The following PRTFDC1 variants were observed in gnomAD, a reference collection of about 807,000 sequenced individuals.
PRTFDC1 encodes the protein phosphoribosyl transferase domain containing 1.
Under a neutral mutation model 34.6 loss-of-function variants are expected in PRTFDC1, and 38 were observed. The ratio of observed to expected loss-of-function variants is 1.10; its 90% CI spans 0.85 to 1.44. PRTFDC1 has a LOEUF of 1.44. Among genes scored for constraint, PRTFDC1 ranks in the 40% most tolerant of loss-of-function variants. PRTFDC1 has a pLI of 0.00. For missense variants in PRTFDC1, 270 were observed against 283.0 expected (o/e 0.95, Z 0.33); for synonymous variants, 93 against 98.1 (o/e 0.95, Z 0.31).
At chr10:24,850,461 A>T (rs1006904118) in intron 8 of PRTFDC1, among the ~76,000 whole-genome samples, 1 of 152,084 alleles carries the variant, frequency 6.6e-6, no homozygotes, top group African/African-American at 2.4e-5. Flanking sequence ...CGAAGACCCC[A>T]TCTCTACAGC....
chr10:24,909,066 A>G (rs1289915264), intron 3 of PRTFDC1, among the ~76,000 whole-genome samples: 2 of 152,196 alleles, frequency 1.3e-5, no homozygotes, highest in African/African-American at 4.8e-5. Context: ...AGATTGATTG[A>G]GGCCAGGAGC....
At chr10:24,864,791 A>G (rs1321494051) in intron 4 of PRTFDC1, among the ~76,000 whole-genome samples, 1 of 152,170 alleles carries the variant, frequency 6.6e-6, no homozygotes, top group Non-Finnish European at 1.5e-5. Flanking sequence ...AGAGCTAAGG[A>G]GCCAAAACTA....
At chr10:24,865,051 G>A (rs1046978732) in intron 4 of PRTFDC1, among the ~76,000 whole-genome samples, 12 of 152,190 alleles carry the variant, frequency 7.9e-5, no homozygotes, top group Admixed American at 3.9e-4. Flanking sequence ...GAGAGGCAGA[G>A]GTTGCAGTGA....
chr10:24,940,105 AG>A (rs1351062535), intron 2 of PRTFDC1, among the ~76,000 whole-genome samples: 3 of 152,182 alleles, frequency 2.0e-5, no homozygotes, highest in Non-Finnish European at 4.4e-5. Context: ...CACTATTTGG[AG>A]ACTTTAACAT....
chr10:24,874,740 T>A (rs545303108), intron 3 of PRTFDC1, among the ~76,000 whole-genome samples: 4 of 152,324 alleles, frequency 2.6e-5, no homozygotes, highest in Middle Eastern at 3.4e-3. Flanking sequence ...TTTTTTAAAA[T>A]TTTTAATTGA....
At chr10:24,939,815 A>G (rs894340289) in intron 2 of PRTFDC1, among the ~76,000 whole-genome samples, 5 of 135,142 alleles carry the variant, frequency 3.7e-5, no homozygotes, top group African/African-American at 1.1e-4. Flanking sequence ...AAAAAAAAAA[A>G]GAAAAAGAAA....
At chr10:24,911,448 A>G (rs1461278594) in intron 3 of PRTFDC1, among the ~76,000 whole-genome samples, 2 of 152,212 alleles carry the variant, frequency 1.3e-5, no homozygotes, top group Non-Finnish European at 2.9e-5. Flanking sequence ...TGAGTAGTAC[A>G]CCATTCATGG....
chr10:24,945,540 G>A (rs530223598), intron 1 of PRTFDC1, among the ~76,000 whole-genome samples: 139 of 152,144 alleles, frequency 9.1e-4, no homozygotes, highest in Non-Finnish European at 1.7e-3. Flanking sequence ...CTGCAGCCTC[G>A]AACTTTTAGG....
intron 3 of PRTFDC1, among the ~76,000 whole-genome samples, chr10:24,925,388 G>C (rs945993859): frequency 2.0e-5 from 3 of 152,030 alleles, no homozygotes; most frequent in African/African-American, 7.3e-5. Context: ...GAGTCAATGG[G>C]TGCAGCAAAC....
At chr10:24,862,733 G>T (rs1003564264) in intron 4 of PRTFDC1, among the ~76,000 whole-genome samples, 1 of 151,966 alleles carries the variant, frequency 6.6e-6, no homozygotes, top group Non-Finnish European at 1.5e-5. Flanking sequence ...TGTTGAGCAC[G>T]TGTATTGGTG....
At chr10:24,886,798 C>A (rs1848172701) in intron 3 of PRTFDC1, among the ~76,000 whole-genome samples, 1 of 152,006 alleles carries the variant, frequency 6.6e-6, no homozygotes, top group Admixed American at 6.6e-5. Context: ...CATTTCTAAC[C>A]AGCTCCCAGG....
intron 3 of PRTFDC1, among the ~76,000 whole-genome samples, chr10:24,889,030 C>T (rs1162800233): frequency 6.6e-6 from 1 of 152,082 alleles, no homozygotes; most frequent in Non-Finnish European, 1.5e-5. Context: ...CCCCCCTCCC[C>T]GACCCTGCCC....
Position 24,912,297 on chromosome 10 carries a change from A to G in PRTFDC1, c.339+24887T>C, listed in dbSNP as rs1163898982. On this transcript the variant is annotated intron_variant, in intron 3 of 8. Coordinates refer to ENST00000320152, the MANE Select transcript of PRTFDC1 (RefSeq NM_020200.7). ...AAAAAAAAAAAAAAAAAAAAAAAAG[A>G]AAGAAATTGCTGAAGAGTTTTTTTT... Among the ~76,000 whole-genome samples the G allele has an allele frequency of 6.5e-4, 89 of 137,846 alleles. 1 individual carries two copies. Among genetic ancestry groups the G allele is most frequent in the African/African-American group, 2.6e-3 (87 of 34,084 alleles). 90.4% of individuals were successfully genotyped at this position (137,846 alleles called of 152,430 possible).
At chr10:24,928,373 C>G (rs58709104) in intron 3 of PRTFDC1, among the ~76,000 whole-genome samples, 1 of 152,004 alleles carries the variant, frequency 6.6e-6, no homozygotes. Flanking sequence ...AGTCTTTTTT[C>G]TTCACCCAAA....
At chr10:24,854,905 T>A (rs1181495829) in intron 7 of PRTFDC1, among the ~76,000 whole-genome samples, 1 of 152,170 alleles carries the variant, frequency 6.6e-6, no homozygotes, top group Non-Finnish European at 1.5e-5. Context: ...CCTCTAAACC[T>A]CCATAGCACC....
intron 3 of PRTFDC1, among the ~76,000 whole-genome samples, chr10:24,933,626 A>G (rs532049484): frequency 2.6e-4 from 39 of 152,346 alleles, no homozygotes; most frequent in African/African-American, 8.9e-4. Flanking sequence ...ACATGGAGTA[A>G]CAGGAACTGT....
chr10:24,876,502 T>C (rs532504358), intron 3 of PRTFDC1, among the ~76,000 whole-genome samples: 9 of 152,176 alleles, frequency 5.9e-5, no homozygotes, highest in African/African-American at 2.2e-4. Flanking sequence ...AAGCCCAGCC[T>C]GACCAATATG....
chr10:24,922,639 G>A (rs925116162), intron 3 of PRTFDC1, among the ~76,000 whole-genome samples: 6 of 152,206 alleles, frequency 3.9e-5, no homozygotes, highest in African/African-American at 1.2e-4. Context: ...CCAGCCATAT[G>A]GAACTGTGAG....
intron 6 of PRTFDC1, among the ~76,000 whole-genome samples, 197 bp downstream of exon 6, chr10:24,856,716 G>T (rs989949341): frequency 1.3e-5 from 2 of 151,896 alleles, no homozygotes; most frequent in Non-Finnish European, 2.9e-5. Flanking sequence ...ACACGGCAAA[G>T]CACGTCTTCT....
Sources: gnomAD v4.1 joint callset for allele counts (sites outside exome capture counted in the v4.1 genomes callset) on GRCh38, gnomAD v4.1.1 for gene constraint, MANE v1.5 for transcripts, NCBI Gene and HGNC (gene_info 2026-07-23, HGNC 2026-07-21) for gene names.